CLIC1: variants seen among roughly 807,000 people sequenced by gnomAD.
The protein encoded by CLIC1 is CLIC family member 1.
CLIC1 carries 16 observed loss-of-function variants against 26.4 expected under a neutral mutation model. That is an observed-to-expected ratio of 0.61 (90% confidence interval 0.41 to 0.92). CLIC1 has a LOEUF of 0.92. Ranked by LOEUF, CLIC1 falls within the 40% of genes least tolerant of loss-of-function variation. The probability of loss-of-function intolerance (pLI) is 0.00; values close to 1 mark genes in which losing one functional copy is unlikely to be tolerated. For missense variants in CLIC1, 225 were observed against 289.7 expected (o/e 0.78, Z 1.62); for synonymous variants, 98 against 120.8 (o/e 0.81, Z 1.24).
At position 31,732,267 on chromosome 6, in the gene CLIC1, C is replaced by T. The variant is rs147505603; in HGVS notation, c.514G>A (p.Glu172Lys). The T allele has an allele frequency of 1.7e-5, 27 of 1,595,800 alleles. No individual in the cohort carries two copies. Among genetic ancestry groups the T allele is most frequent in the African/African-American group, 4.0e-5 (3 of 74,228 alleles). Residue 172 changes from glutamate to lysine, a missense_variant, in exon 5 of 6, where the codon GAG (glutamate) becomes AAG (lysine). By Grantham distance (56) the Glu-to-Lys change is moderately conservative. Transcript: ENST00000375784. This position sits in a 1 kb window ranked among gnomAD's most constrained non-coding sequence, Gnocchi z 5.0. ...AGGTTGCAGTCAGCCAGGGTGAGCT[C>T]GTTGCCATCCAAAAACTTCCTCTGA...
At position 31,736,308 on chromosome 6, in the gene CLIC1, T is replaced by C. The variant is rs1255808133; in HGVS notation, c.-8A>G. On this transcript the variant is annotated 5_prime_UTR_variant, in exon 1 of 6. Transcript: ENST00000375784. This position sits in a 1 kb window ranked among gnomAD's most constrained non-coding sequence, Gnocchi z 5.0. The stretch of plus-strand genomic sequence containing the variant: ...CGGTTGTTCTTCAGCCATGGTTGCG[T>C]CGGGGACCAGGAAGTGGCCGTCCCT... 6 of 1,612,828 alleles carry C rather than the reference T, an allele frequency of 3.7e-6. No homozygotes were observed. The highest frequency in any genetic ancestry group is 5.1e-6 in the Non-Finnish European group (6 of 1,179,984).
rs961164384 is a variant in CLIC1, at chr6:31,733,760, G to A, written c.275+76C>T. ...CTGCCCCAGCCCCACCACCATCTCT[G>A]TTTTCCATTTCTGCAAACTGTCTGT... On this transcript the variant is annotated intron_variant, in intron 3 of 5. Transcript: ENST00000375784. The surrounding 1 kb of genome is among the most constrained non-coding windows in gnomAD (Gnocchi z 5.4). 6.2e-7 allele frequency: 1 copy of A among 1,605,918 alleles called. No homozygotes were observed. Among genetic ancestry groups the A allele is most frequent in the South Asian group, 1.1e-5 (1 of 90,962 alleles).
chr6:31,735,799 G>A (rs1248893243), intron 1 of CLIC1, among the ~76,000 whole-genome samples: 2 of 103,812 alleles, frequency 1.9e-5, no homozygotes, highest in Admixed American at 1.1e-4. Context: ...TCCCTGAAGC[G>A]TCTCCATCCA....
intron 1 of CLIC1, among the ~76,000 whole-genome samples, chr6:31,735,699 C>A (rs1808278927): frequency 6.6e-6 from 1 of 151,886 alleles, no homozygotes; most frequent in Admixed American, 6.6e-5. Flanking sequence ...GCTTTTCAAA[C>A]TCCGATCCCA....
rs560580935 is a variant in CLIC1 at position 31,736,501 on chromosome 6, A to T, written c.-201T>A. The T allele has an allele frequency of 9.3e-6, 13 of 1,396,028 alleles. No individual in the cohort carries two copies. In the East Asian group the frequency reaches 2.1e-4, roughly 23 times the overall value. The allele number at this position is 1,396,028 out of a possible 1,614,324, so 86.5% of individuals were successfully genotyped here. A position where few individuals can be genotyped will look rare whatever the true frequency, so the allele number is the denominator to read the frequency against. ...AACGCACCCCACACCCAGCTCCTCC[A>T]GCTCGGTCCTCTCCCGGGCTGGATC... On this transcript the variant is annotated 5_prime_UTR_variant, in exon 1 of 6. Transcript: ENST00000375784. The surrounding 1 kb of genome is among the most constrained non-coding windows in gnomAD (Gnocchi z 5.0).
rs993978629 is a variant in CLIC1, at chr6:31,734,430, A to G, written c.40-167T>C. ...CTTGGGCCTGGGTCAAACCTAAGGC[A>G]GATCAATGGGAAACTGTTTTGCAAA... On this transcript the variant is annotated intron_variant, in intron 1 of 5. Transcript: ENST00000375784. This position sits in a 1 kb window ranked among gnomAD's most constrained non-coding sequence, Gnocchi z 5.3. 2.6e-5 allele frequency among the ~76,000 whole-genome samples: 4 copies of G among 152,260 alleles called. No individual in the cohort carries two copies. The highest frequency in any genetic ancestry group is 9.6e-5 in the African/African-American group (4 of 41,468).
intron 5 of CLIC1, among the ~76,000 whole-genome samples, chr6:31,732,000 C>T (rs552126580): frequency 6.6e-6 from 1 of 152,322 alleles, no homozygotes; most frequent in South Asian, 2.1e-4. Flanking sequence ...TGTTTGCACC[C>T]ATGACTTACA....
At chr6:31,735,807 CCACA>C (rs9281564) in intron 1 of CLIC1, among the ~76,000 whole-genome samples, 1,476 of 124,956 alleles carry the variant, frequency 0.012, 23 homozygotes, top group African/African-American at 0.036. Context: ...GCGTCTCCAT[CCACA>C]CACACACACA....
chr6:31,733,666 G>A lies in CLIC1; in HGVS notation c.282C>T (p.Pro94=), dbSNP rs1166802428. 1 of 1,612,884 alleles carries A rather than the reference G, an allele frequency of 6.2e-7. No homozygotes were observed. The highest frequency in any genetic ancestry group is 8.5e-7 in the Non-Finnish European group (1 of 1,179,940). Reference sequence around the variant, plus strand: ...ACTCAGGGTTCAGAGCTGCCAGCTTGGGGTACCTGAAAGCCAATGGGAAAA... The same window carrying A: ...ACTCAGGGTTCAGAGCTGCCAGCTTAGGGTACCTGAAAGCCAATGGGAAAA... Residue 94 remains proline (P), a synonymous_variant, in exon 4 of 6, where the codon CCC becomes CCT. Transcript: ENST00000375784. This position sits in a 1 kb window ranked among gnomAD's most constrained non-coding sequence, Gnocchi z 5.4.
chr6:31,735,368 G>A (rs982892378), intron 1 of CLIC1, among the ~76,000 whole-genome samples: 6 of 151,622 alleles, frequency 4.0e-5, no homozygotes, highest in African/African-American at 1.5e-4. Flanking sequence ...GCAGCGGTAG[G>A]GAGGGGAGCG....
chr6:31,735,708 C>G (rs143660214), intron 1 of CLIC1, among the ~76,000 whole-genome samples: 1 of 151,972 alleles, frequency 6.6e-6, no homozygotes, highest in East Asian at 1.9e-4. Flanking sequence ...ACTCCGATCC[C>G]AGTCTCCTGT....
intron 1 of CLIC1, among the ~76,000 whole-genome samples, chr6:31,735,183 A>C (rs1224124642): frequency 6.6e-6 from 1 of 151,232 alleles, no homozygotes; most frequent in Non-Finnish European, 1.5e-5. Flanking sequence ...GCAGAGACAC[A>C]CAAAGATGAG....
In CLIC1 at chr6:31,734,408, G is replaced by A; in HGVS notation, c.40-145C>T. ...CCCTCACTATGGGCTCTTTGCCCTT[G>A]GGCCTGGGTCAAACCTAAGGCAGAT... On this transcript the variant is annotated intron_variant, in intron 1 of 5. Coordinates refer to ENST00000375784, the Ensembl canonical transcript of CLIC1. The surrounding 1 kb of genome is among the most constrained non-coding windows in gnomAD (Gnocchi z 5.3). 1.5e-6 allele frequency: 1 copy of A among 671,406 alleles called. No individual in the cohort carries two copies. The allele number at this position is 671,406 out of a possible 1,614,324, so 41.6% of individuals were successfully genotyped here.
Position 31,734,377 on chromosome 6 carries a change from A to C in CLIC1, c.40-114T>G, listed in dbSNP as rs980446120. 2.6e-6 allele frequency: 2 copies of C among 761,084 alleles called. No homozygotes were observed. The highest frequency in any genetic ancestry group is 4.6e-4 in the Middle Eastern group (2 of 4,346). 47.1% of individuals were successfully genotyped at this position (761,084 alleles called of 1,614,324 possible). A position where few individuals can be genotyped will look rare whatever the true frequency, so the allele number is the denominator to read the frequency against. ...TTTTCTGCCTAGTCATGACACATAC[A>C]CTGTCCCCTCACTATGGGCTCTTTG... On this transcript the variant is annotated intron_variant, in intron 1 of 5. Transcript: ENST00000375784. The surrounding 1 kb of genome is among the most constrained non-coding windows in gnomAD (Gnocchi z 5.3).
chr6:31,733,012 C>T lies in CLIC1; in HGVS notation c.382+554G>A, dbSNP rs1450200458. 6.6e-6 allele frequency among the ~76,000 whole-genome samples: 1 copy of T among 151,696 alleles called. No individual in the cohort carries two copies. The highest frequency in any genetic ancestry group is 1.5e-5 in the Non-Finnish European group (1 of 67,966). On this transcript the variant is annotated intron_variant, in intron 4 of 5. Transcript: ENST00000375784. The surrounding 1 kb of genome is among the most constrained non-coding windows in gnomAD (Gnocchi z 5.4). ...TGATGCACGTCTGTAATCCCAGCTA[C>T]TCAGGAGGCTGAGGCAGGAGAATTG...
In CLIC1 at chr6:31,734,522, G is replaced by A. The variant is rs1808206911; in HGVS notation, c.40-259C>T. 6.6e-6 allele frequency among the ~76,000 whole-genome samples: 1 copy of A among 152,236 alleles called. No individual in the cohort carries two copies. The highest frequency in any genetic ancestry group is 2.4e-5 in the African/African-American group (1 of 41,460). On this transcript the variant is annotated intron_variant, in intron 1 of 5. Transcript: ENST00000375784. The surrounding 1 kb of genome is among the most constrained non-coding windows in gnomAD (Gnocchi z 5.3). ...GTAGGTAGAGGGAGGAGGTCCTGGA[G>A]AACTTGGGAGGATCTGAATCCTAGA...
At chr6:31,731,483 G>T (rs1807941826) in intron 5 of CLIC1, among the ~76,000 whole-genome samples, 1 of 152,170 alleles carries the variant, frequency 6.6e-6, no homozygotes, top group Non-Finnish European at 1.5e-5. Context: ...TGTAATTTTA[G>T]TAGAGATGGG....
chr6:31,731,669 T>C (rs1172158242), intron 5 of CLIC1, among the ~76,000 whole-genome samples: 1 of 152,222 alleles, frequency 6.6e-6, no homozygotes, highest in South Asian at 2.1e-4. Context: ...TTTCAACCCT[T>C]TGAGAGCAAG....
At position 31,733,784 on chromosome 6, in the gene CLIC1, G is replaced by A. The variant is rs1269793944; in HGVS notation, c.275+52C>T. 1.9e-6 allele frequency: 3 copies of A among 1,608,516 alleles called. No individual in the cohort carries two copies. The highest frequency in any genetic ancestry group is 1.3e-5 in the African/African-American group (1 of 74,832). ...TGTTTTCCATTTCTGCAAACTGTCT[G>A]TTTCCCAGAATCTCCCTGCTCCACC... On this transcript the variant is annotated intron_variant, in intron 3 of 5. Coordinates refer to ENST00000375784, the Ensembl canonical transcript of CLIC1. This position sits in a 1 kb window ranked among gnomAD's most constrained non-coding sequence, Gnocchi z 5.4.
Sources: allele counts gnomAD v4.1 joint callset (sites outside exome capture counted in the v4.1 genomes callset), GRCh38; gene constraint gnomAD v4.1.1; non-coding constraint Gnocchi (gnomAD v3.1); transcripts MANE v1.5; gene names NCBI Gene and HGNC (gene_info 2026-07-23, HGNC 2026-07-21).